EPHB1: variants seen among roughly 807,000 people sequenced by gnomAD.
EPHB1 encodes ephrin type-B receptor 1.
EPHB1 carries 30 observed loss-of-function variants against 94.4 expected under a neutral mutation model. That is an observed-to-expected ratio of 0.32 (90% confidence interval 0.24 to 0.43). The LOEUF is 0.43. EPHB1 is among the 20% of genes least tolerant of loss of function. EPHB1 has a pLI of 1.00. For missense variants in EPHB1, 1,055 were observed against 1,308.3 expected (o/e 0.81, Z 2.99); for synonymous variants, 522 against 489.1 (o/e 1.07, Z -0.89).
intron 11 of EPHB1, among the ~76,000 whole-genome samples, chr3:135,196,305 T>C (rs1942614166): frequency 6.6e-6 from 1 of 152,122 alleles, no homozygotes; most frequent in Non-Finnish European, 1.5e-5. Context: ...CTGTTTTCAT[T>C]TGGGGCTCAG....
rs995478828 is a variant in EPHB1, at chr3:135,023,499, G to A, written c.805+71447G>A. On this transcript the variant is annotated intron_variant, in intron 3 of 15. Coordinates refer to ENST00000398015, the MANE Select transcript of EPHB1 (RefSeq NM_004441.5). ...AAATTGTTAAATATTTCCTGGGGTTGGGGGTTGGTGCCAGAATCGCCCCCT... is the reference window on the plus strand; with the variant it reads ...AAATTGTTAAATATTTCCTGGGGTTAGGGGTTGGTGCCAGAATCGCCCCCT... Among the ~76,000 whole-genome samples, 12 of 152,308 alleles carry A rather than the reference G, an allele frequency of 7.9e-5. No individual in the cohort carries two copies. The East Asian group carries it at 2.3e-3, about 29-fold the overall frequency.
At chr3:135,097,493 C>G (rs1168481965) in intron 3 of EPHB1, among the ~76,000 whole-genome samples, 1 of 152,168 alleles carries the variant, frequency 6.6e-6, no homozygotes, top group Non-Finnish European at 1.5e-5. Flanking sequence ...GTTTGTCACC[C>G]TTCAGTCCTG....
At chr3:135,239,332 C>T (rs903458056) in intron 12 of EPHB1, among the ~76,000 whole-genome samples, 2 of 151,660 alleles carry the variant, frequency 1.3e-5, no homozygotes. Context: ...TACATTTTTA[C>T]AGTATTTTTG....
intron 1 of EPHB1, among the ~76,000 whole-genome samples, chr3:134,805,933 C>A (rs2036034753): frequency 6.6e-6 from 1 of 152,010 alleles, no homozygotes; most frequent in African/African-American, 2.4e-5. Context: ...TGCTGGGTAC[C>A]CCACAGCTCC....
chr3:135,096,540 C>A (rs1054187841), intron 3 of EPHB1, among the ~76,000 whole-genome samples: 9 of 152,180 alleles, frequency 5.9e-5, no homozygotes, highest in Admixed American at 5.9e-4. Context: ...GTTCAAGTTG[C>A]TGTAACAAAC....
chr3:135,245,805 CAAAAAAAAAAAA>C (rs34702210), intron 13 of EPHB1, among the ~76,000 whole-genome samples: 3 of 26,780 alleles, frequency 1.1e-4, no homozygotes, highest in African/African-American at 3.8e-4. Flanking sequence ...GACACCATCT[CAAAAAAAAAAAA>C]AAAAAAAAAA....
chr3:135,097,116 G>GA (rs1367674890), intron 3 of EPHB1, among the ~76,000 whole-genome samples: 4 of 120,944 alleles, frequency 3.3e-5, no homozygotes, highest in Admixed American at 1.7e-4. Flanking sequence ...AAAAAAAAAA[G>GA]AAAAAAAATT....
intron 6 of EPHB1, among the ~76,000 whole-genome samples, chr3:135,160,772 C>T (rs998001192): frequency 4.6e-5 from 7 of 152,108 alleles, no homozygotes; most frequent in African/African-American, 1.7e-4. Flanking sequence ...GTAGACAGTC[C>T]ACAGCCCAGA....
chr3:135,137,821 G>A (rs1199819409), intron 5 of EPHB1, among the ~76,000 whole-genome samples: 9 of 152,158 alleles, frequency 5.9e-5, no homozygotes, highest in African/African-American at 2.2e-4. Context: ...TTTCTCCCTA[G>A]ACTGTTTCCT....
intron 3 of EPHB1, among the ~76,000 whole-genome samples, chr3:135,046,715 C>T (rs1683130769): frequency 6.6e-6 from 1 of 152,190 alleles, no homozygotes; most frequent in Admixed American, 6.5e-5. Flanking sequence ...TTAACAAGCT[C>T]TCCAGGTGAT....
intron 5 of EPHB1, among the ~76,000 whole-genome samples, chr3:135,146,111 C>T (rs1941001341): frequency 6.6e-6 from 1 of 152,084 alleles, no homozygotes. Context: ...GATCACACCC[C>T]AAGGGGCTTT....
At chr3:135,064,797 A>G (rs917414355) in intron 3 of EPHB1, among the ~76,000 whole-genome samples, 19 of 152,088 alleles carry the variant, frequency 1.2e-4, no homozygotes, top group South Asian at 6.2e-4. Context: ...GTAACCTTAG[A>G]ATGTCAGTTT....
chr3:135,228,531 T>C (rs1386911775), intron 12 of EPHB1, among the ~76,000 whole-genome samples: 1 of 152,190 alleles, frequency 6.6e-6, no homozygotes, highest in African/African-American at 2.4e-5. Flanking sequence ...CAGAGAGTCA[T>C]CAGTCTTAGT....
At chr3:135,174,198 G>A (rs573945216) in intron 9 of EPHB1, among the ~76,000 whole-genome samples, 1 of 152,254 alleles carries the variant, frequency 6.6e-6, no homozygotes, top group African/African-American at 2.4e-5. Flanking sequence ...GTCCCCTGCT[G>A]ATGGAACCAT....
At chr3:135,035,034 T>C (rs12638079) in intron 3 of EPHB1, among the ~76,000 whole-genome samples, 38,742 of 152,168 alleles carry the variant, frequency 0.25, 6,432 homozygotes, top group East Asian at 0.71. Context: ...AATCTTCTTG[T>C]AGTGCACTCC....
chr3:134,817,584 G>A (rs1369392104), intron 1 of EPHB1, among the ~76,000 whole-genome samples: 5 of 152,214 alleles, frequency 3.3e-5, no homozygotes, highest in African/African-American at 7.2e-5. Flanking sequence ...TACCAGCTGC[G>A]TGACCTTGGA....
chr3:134,888,627 G>A (rs1015625851), intron 1 of EPHB1, among the ~76,000 whole-genome samples: 2 of 148,632 alleles, frequency 1.3e-5, no homozygotes, highest in African/African-American at 5.0e-5. Context: ...AGAATCGCTT[G>A]AACTAGGGAG....
intron 3 of EPHB1, among the ~76,000 whole-genome samples, chr3:134,994,124 A>G (rs1376202166): frequency 2.0e-5 from 3 of 152,090 alleles, no homozygotes; most frequent in East Asian, 1.9e-4. Context: ...TTACTTGTCT[A>G]TCTCCCCAGC....
chr3:134,827,955 C>G (rs2036515386), intron 1 of EPHB1, among the ~76,000 whole-genome samples: 1 of 152,168 alleles, frequency 6.6e-6, no homozygotes, highest in Non-Finnish European at 1.5e-5. Context: ...TCCTCACCAG[C>G]ATCTCTTTGT....
Sources: gnomAD v4.1 joint callset for allele counts (sites outside exome capture counted in the v4.1 genomes callset) on GRCh38, gnomAD v4.1.1 for gene constraint, MANE v1.5 for transcripts, NCBI Gene and HGNC (gene_info 2026-07-23, HGNC 2026-07-21) for gene names.